CHP1: variants seen among roughly 807,000 people sequenced by gnomAD.
CHP1 encodes calcineurin like EF-hand protein 1, also known as calcineurin B homologous protein 1.
A neutral mutation model predicts 27.4 loss-of-function variants in CHP1; 11 were observed. The observed-to-expected ratio is 0.40, with a 90% CI of 0.25 to 0.67. The LOEUF is 0.67. Ranked by LOEUF, CHP1 falls within the 30% of genes least tolerant of loss-of-function variation. The pLI is 0.38. For missense variants in CHP1, 169 were observed against 251.3 expected (o/e 0.67, Z 2.22); for synonymous variants, 89 against 87.4 (o/e 1.02, Z -0.10).
intron 5 of CHP1, 98 bp from the exon 6 acceptor site, chr15:41,278,669 A>G (rs2047531271): frequency 1.4e-6 from 2 of 1,477,180 alleles, no homozygotes; most frequent in Admixed American, 1.9e-5. Context: ...TGAGGGCATC[A>G]AAGGAAAAGG....
chr15:41,240,741 G>A (rs1185516914), intron 1 of CHP1, among the ~76,000 whole-genome samples: 17 of 115,166 alleles, frequency 1.5e-4, no homozygotes, highest in African/African-American at 5.2e-4. Context: ...CAAGAAGAGC[G>A]AAACTCTATC....
At chr15:41,236,079 CTTTT>C (rs11292013) in intron 1 of CHP1, among the ~76,000 whole-genome samples, 6 of 138,422 alleles carry the variant, frequency 4.3e-5, no homozygotes, top group Admixed American at 7.2e-5. Flanking sequence ...ACCCTAAGAA[CTTTT>C]TTTTTTTTTT....
chr15:41,273,938 C>G (rs911238518), intron 5 of CHP1, among the ~76,000 whole-genome samples: 1 of 150,836 alleles, frequency 6.6e-6, no homozygotes, highest in African/African-American at 2.4e-5. Context: ...AAAACTCTGT[C>G]TTAATAATTC....
At chr15:41,241,195 A>G (rs1469836615) in intron 1 of CHP1, among the ~76,000 whole-genome samples, 1 of 152,228 alleles carries the variant, frequency 6.6e-6, no homozygotes, top group Non-Finnish European at 1.5e-5. Flanking sequence ...GTTAAACTAA[A>G]GGGAACTTTA....
Position 41,279,465 on chromosome 15 carries a change from T to C in CHP1, c.*76T>C. The C allele has an allele frequency of 8.3e-7, 1 of 1,201,354 alleles. No homozygotes were observed. Among genetic ancestry groups the C allele is most frequent in the Non-Finnish European group, 1.2e-6 (1 of 813,506 alleles). The allele number at this position is 1,201,354 out of a possible 1,614,324, so 74.4% of individuals were successfully genotyped here. A position where few individuals can be genotyped will look rare whatever the true frequency, so the allele number is the denominator to read the frequency against. ...AAGTCCTCCTTCTACCAACTCCACC[T>C]CCACCCCCTCATTCCCCTTCTCCCA... On this transcript the variant is annotated 3_prime_UTR_variant, in exon 7 of 7. Coordinates refer to ENST00000334660, the MANE Select transcript of CHP1 (RefSeq NM_007236.5).
chr15:41,270,521 C>T, intron 4 of CHP1, 36 bp from the exon 5 acceptor site: 1 of 1,547,588 alleles, frequency 6.5e-7, no homozygotes. Context: ...CAACACACTA[C>T]AGAATTTTGA....
chr15:41,277,391 C>T (rs1459538199), intron 5 of CHP1, among the ~76,000 whole-genome samples: 2 of 152,202 alleles, frequency 1.3e-5, no homozygotes, highest in African/African-American at 4.8e-5. Context: ...CGCCTATAAT[C>T]TCGGCACTTT....
At chr15:41,242,870 G>T (rs1267822651) in intron 1 of CHP1, among the ~76,000 whole-genome samples, 2 of 151,986 alleles carry the variant, frequency 1.3e-5, no homozygotes, top group Non-Finnish European at 1.5e-5. Context: ...TTGAACACGA[G>T]AGGCAGAGGT....
intron 4 of CHP1, 72 bp from the exon 5 acceptor site, chr15:41,270,483 CTT>C: frequency 2.7e-6 from 3 of 1,104,348 alleles, no homozygotes; most frequent in Non-Finnish European, 2.8e-6. Flanking sequence ...TGTCTAGTGT[CTT>C]ATATATTTAG....
At chr15:41,264,284 C>T (rs966279614) in intron 4 of CHP1, 10 of 1,052,910 alleles carry the variant, frequency 9.5e-6, no homozygotes, top group African/African-American at 6.6e-5. Context: ...CAGGAGAGTG[C>T]GAGTGCCGAG....
At chr15:41,233,637 C>T (rs941119127) in intron 1 of CHP1, among the ~76,000 whole-genome samples, 2 of 152,260 alleles carry the variant, frequency 1.3e-5, no homozygotes, top group Non-Finnish European at 2.9e-5. Flanking sequence ...TGACAAAAAA[C>T]GCCCCCAACC....
intron 5 of CHP1, 55 bp from the exon 6 acceptor site, chr15:41,278,712 A>AT: frequency 6.2e-7 from 1 of 1,609,332 alleles, no homozygotes; most frequent in Non-Finnish European, 8.5e-7. Flanking sequence ...TAATCTTAGT[A>AT]AAGAGTCCCT....
intron 5 of CHP1, 82 bp downstream of exon 5, chr15:41,270,700 A>G: frequency 8.9e-7 from 1 of 1,125,550 alleles, no homozygotes; most frequent in South Asian, 1.3e-5. Context: ...TTCCTTTAGT[A>G]AGCATTTATT....
intron 4 of CHP1, among the ~76,000 whole-genome samples, chr15:41,263,289 T>C (rs1319317789): frequency 6.6e-6 from 1 of 152,188 alleles, no homozygotes; most frequent in African/African-American, 2.4e-5. Context: ...AGCATGGCAA[T>C]AGTGAACAAG....
At chr15:41,248,699 G>A (rs2047348621) in intron 2 of CHP1, among the ~76,000 whole-genome samples, 1 of 152,092 alleles carries the variant, frequency 6.6e-6, no homozygotes, top group African/African-American at 2.4e-5. Flanking sequence ...GATTCCTTGA[G>A]GCCCGGAGTC....
chr15:41,235,894 C>T (rs1296309058), intron 1 of CHP1, among the ~76,000 whole-genome samples: 1 of 152,142 alleles, frequency 6.6e-6, no homozygotes, highest in African/African-American at 2.4e-5. Context: ...CTGTCTTCTG[C>T]CTCCTATTGA....
intron 1 of CHP1, among the ~76,000 whole-genome samples, chr15:41,237,535 C>T (rs1035080839): frequency 6.6e-6 from 1 of 152,142 alleles, no homozygotes; most frequent in African/African-American, 2.4e-5. Context: ...CTCTCTTAAT[C>T]CCTAAGAGAC....
chr15:41,235,270 G>A (rs2047271154), intron 1 of CHP1, among the ~76,000 whole-genome samples: 1 of 148,872 alleles, frequency 6.7e-6, no homozygotes, highest in Non-Finnish European at 1.5e-5. Flanking sequence ...TGTAGTTCCA[G>A]CACTTTGGGA....
At chr15:41,253,951 AT>A (rs111456903) in intron 2 of CHP1, among the ~76,000 whole-genome samples, 27,847 of 141,718 alleles carry the variant, frequency 0.2, 3,527 homozygotes, top group African/African-American at 0.37. Context: ...TGCCTGGCTA[AT>A]TTTTTTTTTT....
Sources: allele counts gnomAD v4.1 joint callset (sites outside exome capture counted in the v4.1 genomes callset), GRCh38; gene constraint gnomAD v4.1.1; transcripts MANE v1.5; gene names NCBI Gene and HGNC (gene_info 2026-07-23, HGNC 2026-07-21).